Variants in ANO4 observed in about 807,000 individuals in gnomAD.
The protein encoded by ANO4 is anoctamin 4.
ANO4 carries 69 observed loss-of-function variants against 141.9 expected under a neutral mutation model. The ratio of observed to expected loss-of-function variants is 0.49; its 90% CI spans 0.40 to 0.59. The LOEUF (loss-of-function observed/expected upper bound fraction) is 0.59. Ranked by LOEUF, ANO4 falls within the 20% of genes least tolerant of loss-of-function variation. The pLI, the probability that ANO4 is intolerant of heterozygous loss-of-function variation, is 0.00. For synonymous variants in ANO4, 350 were observed against 394.3 expected (o/e 0.89, Z 1.33); for missense variants, 894 against 1,162.2 (o/e 0.77, Z 3.36).
At position 101,001,490 on chromosome 12, in the gene ANO4, A is replaced by G. The variant is rs574270670; in HGVS notation, c.734+13820A>G. ...TAATTTTACAGAAGGAGGCGCAGAAACTCAGAAACATTAAATACTTTAAGC... is the reference window on the plus strand; with the variant it reads ...TAATTTTACAGAAGGAGGCGCAGAAGCTCAGAAACATTAAATACTTTAAGC... On this transcript the variant is annotated intron_variant, in intron 8 of 27. Transcript: ENST00000392977. Among the ~76,000 whole-genome samples, 46 of 152,306 alleles carry G rather than the reference A, an allele frequency of 3.0e-4. 1 individual carries two copies. Among genetic ancestry groups the G allele is most frequent in the Middle Eastern group, 3.4e-3 (1 of 294 alleles).
intron 1 of ANO4, among the ~76,000 whole-genome samples, chr12:100,799,934 C>G (rs889855397): frequency 2.0e-5 from 3 of 152,136 alleles, no homozygotes; most frequent in African/African-American, 7.2e-5. Context: ...TGATACACAG[C>G]TGACACTGTG....
chr12:100,894,414 C>G (rs929240641), intron 1 of ANO4, among the ~76,000 whole-genome samples: 11 of 152,042 alleles, frequency 7.2e-5, no homozygotes, highest in Non-Finnish European at 1.5e-4. Flanking sequence ...TGGGTTAGAA[C>G]TCATACTACT....
chr12:101,014,961 C>T (rs1156437382), intron 8 of ANO4, among the ~76,000 whole-genome samples: 1 of 151,430 alleles, frequency 6.6e-6, no homozygotes, highest in East Asian at 1.9e-4. Context: ...TCCTGAGTAG[C>T]TGGGACTATA....
At chr12:100,772,407 C>T (rs773207591) in intron 3 of ANO4, among the ~76,000 whole-genome samples, 1 of 152,166 alleles carries the variant, frequency 6.6e-6, no homozygotes, top group Non-Finnish European at 1.5e-5. Flanking sequence ...ACTCCTCTGC[C>T]TGGCACATTA....
chr12:101,053,180 T>C (rs2047943438), intron 14 of ANO4, among the ~76,000 whole-genome samples: 1 of 152,212 alleles, frequency 6.6e-6, no homozygotes, highest in Admixed American at 6.5e-5. Context: ...GTAGTCAACT[T>C]CCTGAGGCAA....
chr12:101,101,541 C>T (rs754657820), intron 22 of ANO4, among the ~76,000 whole-genome samples: 1 of 152,030 alleles, frequency 6.6e-6, no homozygotes, highest in East Asian at 1.9e-4. Flanking sequence ...CCCCTGCTGC[C>T]CTGACACAGC....
At chr12:100,944,217 C>T (rs585335) in intron 5 of ANO4, among the ~76,000 whole-genome samples, 32,377 of 152,068 alleles carry the variant, frequency 0.21, 3,939 homozygotes, top group Admixed American at 0.3. Context: ...TATCCTAAAG[C>T]ATCACCTGTA....
intron 1 of ANO4, among the ~76,000 whole-genome samples, chr12:100,837,807 G>GTT (rs2135797357): frequency 6.6e-6 from 1 of 150,924 alleles, no homozygotes; most frequent in African/African-American, 2.4e-5. Flanking sequence ...AGTGGTCAAA[G>GTT]TCACATAAAG....
At chr12:100,824,348 A>T (rs1478220645) in intron 1 of ANO4, among the ~76,000 whole-genome samples, 1 of 152,054 alleles carries the variant, frequency 6.6e-6, no homozygotes, top group East Asian at 1.9e-4. Flanking sequence ...AAAGATTTTA[A>T]AGATTCCTTT....
intron 8 of ANO4, among the ~76,000 whole-genome samples, chr12:101,004,942 T>C (rs1201425837): frequency 3.3e-5 from 5 of 152,148 alleles, no homozygotes; most frequent in Admixed American, 2.6e-4. Flanking sequence ...TTTTACCAAC[T>C]TCCAGATTTT....
At chr12:100,898,863 G>A (rs1349894327) in intron 1 of ANO4, among the ~76,000 whole-genome samples, 1 of 152,174 alleles carries the variant, frequency 6.6e-6, no homozygotes, top group African/African-American at 2.4e-5. Flanking sequence ...GACTTAAAAT[G>A]TCTCTCCCCT....
At chr12:100,752,866 C>T (rs2032445953) in intron 3 of ANO4, among the ~76,000 whole-genome samples, 1 of 152,176 alleles carries the variant, frequency 6.6e-6, no homozygotes, top group Non-Finnish European at 1.5e-5. Context: ...CCCAAAACCT[C>T]AGTGGCATAC....
chr12:100,919,704 GTATGTATGTATGTATGTA>G (rs1375882932), intron 2 of ANO4, among the ~76,000 whole-genome samples: 2 of 119,576 alleles, frequency 1.7e-5, no homozygotes, highest in African/African-American at 6.8e-5. Flanking sequence ...GTGTGTGTGT[GTATGTATGTATGTATGTA>G]TGTGTGTATG....
chr12:100,981,324 C>T (rs2044450168), intron 7 of ANO4, among the ~76,000 whole-genome samples: 1 of 152,040 alleles, frequency 6.6e-6, no homozygotes, highest in Non-Finnish European at 1.5e-5. Context: ...AATCTGGAGA[C>T]TTGGCTCTAA....
chr12:100,757,293 T>G (rs2032654426), intron 3 of ANO4, among the ~76,000 whole-genome samples: 1 of 152,180 alleles, frequency 6.6e-6, no homozygotes, highest in African/African-American at 2.4e-5. Context: ...TCACTTGTCT[T>G]CCTTGGAGTC....
intron 3 of ANO4, among the ~76,000 whole-genome samples, chr12:100,776,210 A>G (rs1443560301): frequency 1.3e-5 from 2 of 152,198 alleles, no homozygotes; most frequent in Non-Finnish European, 2.9e-5. Context: ...CCAGGAGTCC[A>G]GGCCAGGCAG....
intron 3 of ANO4, among the ~76,000 whole-genome samples, chr12:100,936,726 T>G (rs1276674393): frequency 6.6e-6 from 1 of 152,146 alleles, no homozygotes; most frequent in Non-Finnish European, 1.5e-5. Context: ...CTCATATTGA[T>G]AAGACCAAAA....
At chr12:100,809,999 A>G (rs1007080560) in intron 1 of ANO4, among the ~76,000 whole-genome samples, 1 of 152,164 alleles carries the variant, frequency 6.6e-6, no homozygotes, top group Non-Finnish European at 1.5e-5. Flanking sequence ...CTAGGCATGC[A>G]GCAGTGTGCC....
intron 14 of ANO4, chr12:101,066,659 C>G (rs762895261): frequency 1.6e-4 from 97 of 610,152 alleles, no homozygotes; most frequent in Admixed American, 1.2e-3. Flanking sequence ...GCGTCCCCAT[C>G]ATGGCCCTGC....
Sources: allele counts gnomAD v4.1 joint callset (sites outside exome capture counted in the v4.1 genomes callset), GRCh38; gene constraint gnomAD v4.1.1; transcripts MANE v1.5; gene names NCBI Gene and HGNC (gene_info 2026-07-23, HGNC 2026-07-21).